The following MBNL2 variants were observed in gnomAD, a reference collection of about 807,000 sequenced individuals.
The protein encoded by MBNL2 is muscleblind-like protein 2.
A neutral mutation model predicts 41.9 loss-of-function variants in MBNL2; 17 were observed. The observed-to-expected ratio is 0.41, with a 90% CI of 0.28 to 0.61. The LOEUF is 0.61. MBNL2 is among the 20% of genes least tolerant of loss of function. The pLI is 0.35. For synonymous variants in MBNL2, 195 were observed against 182.9 expected, an observed-to-expected ratio of 1.07 and a Z score of -0.53; for missense variants, 336 against 505.6, an observed-to-expected ratio of 0.66 and a Z score of 3.22.
intron 1 of MBNL2, among the ~76,000 whole-genome samples, chr13:97,249,040 T>C (rs1430353686): frequency 1.3e-5 from 2 of 152,230 alleles, no homozygotes; most frequent in Non-Finnish European, 2.9e-5. Context: ...TGTCAAGTTG[T>C]TTATATATTA....
intron 2 of MBNL2, among the ~76,000 whole-genome samples, chr13:97,315,817 C>T (rs1216931356): frequency 2.6e-5 from 4 of 151,370 alleles, no homozygotes; most frequent in South Asian, 2.1e-4. Context: ...AGGCCTTGCT[C>T]GTGGGTGAGG....
At chr13:97,325,247 G>T (rs1181144305) in intron 2 of MBNL2, among the ~76,000 whole-genome samples, 1 of 152,000 alleles carries the variant, frequency 6.6e-6, no homozygotes, top group African/African-American at 2.4e-5. Flanking sequence ...AGAACTGATG[G>T]GCTATTTTTA....
At chr13:97,157,708 C>T in the MBNL2 span, among the ~76,000 whole-genome samples, 1,497 of 147,730 alleles carry the variant, frequency 0.01, 17 homozygotes, top group African/African-American at 0.019. Flanking sequence ...TATTGATTTG[C>T]GTATATTGAA....
intron 1 of MBNL2, among the ~76,000 whole-genome samples, chr13:97,254,995 T>C (rs1217118953): frequency 1.3e-5 from 2 of 152,178 alleles, no homozygotes; most frequent in South Asian, 2.1e-4. Context: ...CCAACAAGGG[T>C]GAGTGATTCA....
chr13:97,290,809 G>C (rs935737816), intron 2 of MBNL2, among the ~76,000 whole-genome samples: 1 of 152,210 alleles, frequency 6.6e-6, no homozygotes, highest in African/African-American at 2.4e-5. Context: ...ATTGTGATGG[G>C]GGAAGACTTT....
At chr13:97,363,887 C>A (rs1343386004) in intron 7 of MBNL2, among the ~76,000 whole-genome samples, 1 of 151,730 alleles carries the variant, frequency 6.6e-6, no homozygotes, top group Non-Finnish European at 1.5e-5. Context: ...GTGAACAGCT[C>A]CACAGAGAGA....
chr13:97,178,369 A>G, the MBNL2 span, among the ~76,000 whole-genome samples: 2 of 151,494 alleles, frequency 1.3e-5, no homozygotes, highest in Non-Finnish European at 2.9e-5. Context: ...TAATGAAAAA[A>G]CAAATAAGCT....
At chr13:97,170,659 G>A in the MBNL2 span, among the ~76,000 whole-genome samples, 1 of 152,122 alleles carries the variant, frequency 6.6e-6, no homozygotes, top group Non-Finnish European at 1.5e-5. Flanking sequence ...CCACTGGTTG[G>A]TGGATCCAGG....
the MBNL2 span, among the ~76,000 whole-genome samples, chr13:97,154,225 G>T: frequency 6.6e-6 from 1 of 152,148 alleles, no homozygotes; most frequent in Non-Finnish European, 1.5e-5. Context: ...GAGATGGACT[G>T]ATTCTTCCCA....
At chr13:97,316,583 C>T (rs1395771110) in intron 2 of MBNL2, among the ~76,000 whole-genome samples, 1 of 152,212 alleles carries the variant, frequency 6.6e-6, no homozygotes, top group Non-Finnish European at 1.5e-5. Context: ...CTCAGATGCA[C>T]CAGGCATGCG....
intron 1 of MBNL2, among the ~76,000 whole-genome samples, chr13:97,249,929 G>A (rs1181193041): frequency 6.6e-6 from 1 of 152,174 alleles, no homozygotes; most frequent in East Asian, 1.9e-4. Context: ...AGGAGGCTAA[G>A]TAACTTTAGA....
chr13:97,278,212 C>G (rs1018308768), intron 2 of MBNL2, among the ~76,000 whole-genome samples: 1 of 146,040 alleles, frequency 6.8e-6, no homozygotes, highest in African/African-American at 2.6e-5. Context: ...CAAGATTGCC[C>G]CACTGCACTC....
At chr13:97,190,231 C>A in the MBNL2 span, among the ~76,000 whole-genome samples, 1 of 152,218 alleles carries the variant, frequency 6.6e-6, no homozygotes, top group Non-Finnish European at 1.5e-5. Context: ...AGTACATTTT[C>A]CAGCTCCCTT....
chr13:97,191,383 C>T, the MBNL2 span, among the ~76,000 whole-genome samples: 1 of 149,910 alleles, frequency 6.7e-6, no homozygotes, highest in Non-Finnish European at 1.5e-5. Flanking sequence ...TGAGGAGTCC[C>T]TGTTTCCCTT....
chr13:97,345,563 CTT>C (rs1440699322), intron 4 of MBNL2, among the ~76,000 whole-genome samples: 3 of 152,062 alleles, frequency 2.0e-5, no homozygotes, highest in African/African-American at 4.8e-5. Flanking sequence ...CTCCATTTTT[CTT>C]TCTCTATATC....
At chr13:97,363,537 G>C (rs553079040) in intron 7 of MBNL2, among the ~76,000 whole-genome samples, 1 of 151,754 alleles carries the variant, frequency 6.6e-6, no homozygotes, top group South Asian at 2.1e-4. Flanking sequence ...CTGAGAATTA[G>C]GAACAGTGAG....
intron 6 of MBNL2, among the ~76,000 whole-genome samples, chr13:97,357,250 T>C (rs1452450630): frequency 2.0e-5 from 3 of 152,200 alleles, no homozygotes; most frequent in African/African-American, 7.2e-5. Flanking sequence ...CTTGATAGTT[T>C]TTCTTTTCCT....
the MBNL2 span, among the ~76,000 whole-genome samples, chr13:97,159,729 C>G: frequency 6.6e-6 from 1 of 151,508 alleles, no homozygotes; most frequent in Non-Finnish European, 1.5e-5. Flanking sequence ...TTGGCCCCCA[C>G]TCTCTTCTGG....
At chr13:97,299,534 G>A (rs1238657732) in intron 2 of MBNL2, among the ~76,000 whole-genome samples, 1 of 152,098 alleles carries the variant, frequency 6.6e-6, no homozygotes, top group Non-Finnish European at 1.5e-5. Context: ...TTGTGCATTT[G>A]AACAGAGGCA....
Sources: allele counts gnomAD v4.1 joint callset (sites outside exome capture counted in the v4.1 genomes callset), GRCh38; gene constraint gnomAD v4.1.1; transcripts MANE v1.5; gene names NCBI Gene and HGNC (gene_info 2026-07-23, HGNC 2026-07-21).